The following BCAS2 variants were observed in gnomAD, a reference collection of about 807,000 sequenced individuals.
The protein encoded by BCAS2 is BCAS2 pre-mRNA processing factor.
BCAS2 carries 34 observed loss-of-function variants against 35.3 expected under a neutral mutation model. The observed-to-expected ratio is 0.96, with a 90% CI of 0.73 to 1.28. The LOEUF is 1.28. Ranked by LOEUF, BCAS2 falls within the 50% of genes most tolerant of loss-of-function variation. The probability of loss-of-function intolerance (pLI) is 0.00; values close to 1 mark genes in which losing one functional copy is unlikely to be tolerated. For synonymous variants in BCAS2, 75 were observed against 91.6 expected (o/e 0.82, Z 1.03); for missense variants, 221 against 268.1 (o/e 0.82, Z 1.23).
chr1:114,574,577 G>A (rs925590734), intron 4 of BCAS2, among the ~76,000 whole-genome samples: 2 of 152,170 alleles, frequency 1.3e-5, no homozygotes, highest in Non-Finnish European at 2.9e-5. Flanking sequence ...CTAATTCAGT[G>A]TTCATAGGAC....
intron 3 of BCAS2, among the ~76,000 whole-genome samples, chr1:114,576,145 C>T (rs767995229): frequency 1.1e-4 from 16 of 151,342 alleles, no homozygotes; most frequent in South Asian, 2.1e-4. Flanking sequence ...ACCCATGCGC[C>T]GGTAGAGAAA....
Position 114,581,462 on chromosome 1 carries a change from T to C in BCAS2, c.93+37A>G, listed in dbSNP as rs372868879. On this transcript the variant is annotated intron_variant, in intron 1 of 6. Coordinates refer to ENST00000369541, the MANE Select transcript of BCAS2 (RefSeq NM_005872.3). ...ATGTTTCTTTCAGTACCGAGCCAGC[T>C]AGCAGTGAGTCAGCTACAAAGACAC... is the stretch of plus-strand genomic sequence containing the variant. 6.9e-5 allele frequency: 111 copies of C among 1,613,932 alleles called. No homozygotes were observed. In the African/African-American group the frequency reaches 1.2e-3, roughly 18 times the overall value.
At chr1:114,576,930 T>A (rs1178036861) in intron 2 of BCAS2, among the ~76,000 whole-genome samples, 172 bp from the exon 3 acceptor site, 1 of 151,946 alleles carries the variant, frequency 6.6e-6, no homozygotes, top group African/African-American at 2.4e-5. Context: ...ACACACACAC[T>A]CACTCACTCA....
At chr1:114,568,876 C>T (rs1471973530) in intron 6 of BCAS2, among the ~76,000 whole-genome samples, 2 of 150,518 alleles carry the variant, frequency 1.3e-5, no homozygotes, top group Non-Finnish European at 3.0e-5. Context: ...AATCCTCCAA[C>T]CTCAGCCTCC....
At chr1:114,571,113 T>C (rs1464935969) in intron 4 of BCAS2, among the ~76,000 whole-genome samples, 2 of 151,938 alleles carry the variant, frequency 1.3e-5, no homozygotes, top group Non-Finnish European at 2.9e-5. Flanking sequence ...TGGAGCGAAG[T>C]GGTGAGATCT....
chr1:114,578,436 T>A (rs1303987466), intron 2 of BCAS2, among the ~76,000 whole-genome samples: 2 of 152,010 alleles, frequency 1.3e-5, no homozygotes, highest in African/African-American at 4.8e-5. Flanking sequence ...GCAGTATAAG[T>A]AGTCTTGAGC....
At chr1:114,570,226 T>C (rs1223199913) in intron 5 of BCAS2, among the ~76,000 whole-genome samples, 154 bp from the exon 6 acceptor site, 1 of 152,122 alleles carries the variant, frequency 6.6e-6, no homozygotes, top group Non-Finnish European at 1.5e-5. Flanking sequence ...TTCTAATTAT[T>C]TTTTGATTAC....
Position 114,570,654 on chromosome 1 carries a change from A to C in BCAS2, c.470+46T>G, listed in dbSNP as rs527644009. 16 of 1,288,538 alleles carry C rather than the reference A, an allele frequency of 1.2e-5. No individual in the cohort carries two copies. In the African/African-American group the frequency reaches 2.4e-4, roughly 19 times the overall value. 79.8% of individuals were successfully genotyped at this position (1,288,538 alleles called of 1,614,324 possible). On this transcript the variant is annotated intron_variant, in intron 5 of 6. Coordinates refer to ENST00000369541, the MANE Select transcript of BCAS2 (RefSeq NM_005872.3). ...TTTTTCCTCCTATTTTCTATTTATT[A>C]AAGGTTCACTTAAACTTCATTCTGT...
At chr1:114,570,997 TC>T (rs1557930231) in intron 4 of BCAS2, among the ~76,000 whole-genome samples, 1 of 150,870 alleles carries the variant, frequency 6.6e-6, no homozygotes, top group Non-Finnish European at 1.5e-5. Flanking sequence ...GCTGCAATCC[TC>T]CCACCTTGGC....
At chr1:114,573,766 T>C (rs1199704891) in intron 4 of BCAS2, among the ~76,000 whole-genome samples, 1 of 152,228 alleles carries the variant, frequency 6.6e-6, no homozygotes, top group Non-Finnish European at 1.5e-5. Flanking sequence ...CCTTGCAATA[T>C]ATAGATATAT....
chr1:114,581,176 C>A, intron 2 of BCAS2, 123 bp downstream of exon 2: 1 of 946,608 alleles, frequency 1.1e-6, no homozygotes. Flanking sequence ...AATAGACTGA[C>A]ACCTATACAG....
At chr1:114,576,787 T>A in intron 2 of BCAS2, 29 bp from the exon 3 acceptor site, 2 of 1,546,058 alleles carry the variant, frequency 1.3e-6, no homozygotes, top group Non-Finnish European at 1.8e-6. Context: ...AAAAGATTTC[T>A]AAGATCATGT....
chr1:114,580,346 A>C lies in BCAS2; in HGVS notation c.186+953T>G, dbSNP rs552212126. ...CAATAATTTAGAAATGATATCTTAC[A>C]TTTCATTTAGCTAACTAGACCCTAA... On this transcript the variant is annotated intron_variant, in intron 2 of 6. Coordinates refer to ENST00000369541, the MANE Select transcript of BCAS2 (RefSeq NM_005872.3). Among the ~76,000 whole-genome samples, 6 of 152,306 alleles carry C rather than the reference A, an allele frequency of 3.9e-5. No individual in the cohort carries two copies. The South Asian group carries it at 1.2e-3, about 32-fold the overall frequency.
chr1:114,576,863 G>C, intron 2 of BCAS2, 105 bp from the exon 3 acceptor site: 3 of 773,234 alleles, frequency 3.9e-6, no homozygotes, highest in Non-Finnish European at 6.2e-6. Context: ...ATAATGAATT[G>C]TTTACCTTTC....
At chr1:114,572,685 TG>T (rs1654671446) in intron 4 of BCAS2, among the ~76,000 whole-genome samples, 1 of 152,110 alleles carries the variant, frequency 6.6e-6, no homozygotes, top group South Asian at 2.1e-4. Flanking sequence ...AAGCTGAATT[TG>T]GGTATAACAG....
chr1:114,579,807 A>G (rs1212909472), intron 2 of BCAS2, among the ~76,000 whole-genome samples: 1 of 152,188 alleles, frequency 6.6e-6, no homozygotes, highest in Non-Finnish European at 1.5e-5. Context: ...TGGAGGTTGC[A>G]GTGAGCAGAG....
intron 2 of BCAS2, among the ~76,000 whole-genome samples, chr1:114,578,728 T>C (rs548917392): frequency 2.6e-5 from 4 of 152,204 alleles, no homozygotes; most frequent in African/African-American, 9.7e-5. Context: ...TTAAGGTTCA[T>C]GAGTATGGAC....
rs757242291 is a variant in BCAS2, at chr1:114,581,310, A to C, written c.175T>G (p.Ser59Ala). ...YLSYLTAPDYSAFETDIMRNE... is the reference protein window; with the variant it reads ...YLSYLTAPDYAAFETDIMRNE... ...CAAGACATACTTACTTCAAAGGCAG[A>C]ATAATCCGGGGCTGTCAGGTAGCTC... The change falls in exon 2 of 7, where the codon TCT becomes GCT. Residue 59 changes from serine to alanine, a missense_variant. Coordinates refer to ENST00000369541, the MANE Select transcript of BCAS2 (RefSeq NM_005872.3). 4 of 1,614,204 alleles carry C rather than the reference A, an allele frequency of 2.5e-6. No homozygotes were observed. The highest frequency in any genetic ancestry group is 3.4e-6 in the Non-Finnish European group (4 of 1,180,026).
intron 4 of BCAS2, among the ~76,000 whole-genome samples, chr1:114,571,674 C>T (rs2101626901): frequency 1.3e-5 from 2 of 152,294 alleles, no homozygotes; most frequent in Middle Eastern, 6.8e-3. Flanking sequence ...CTTAAACTGT[C>T]ATGACTTCTT....
Sources: allele counts gnomAD v4.1 joint callset (sites outside exome capture counted in the v4.1 genomes callset), GRCh38; gene constraint gnomAD v4.1.1; transcripts MANE v1.5; gene names NCBI Gene and HGNC (gene_info 2026-07-23, HGNC 2026-07-21).